Variants in EYS observed in about 807,000 individuals in gnomAD.
EYS encodes the protein EGF-like photoreceptor maintenance factor.
EYS carries 250 observed loss-of-function variants against 282.1 expected under a neutral mutation model. The ratio of observed to expected loss-of-function variants is 0.89; its 90% CI spans 0.80 to 0.98. The LOEUF (loss-of-function observed/expected upper bound fraction) is 0.98. Ranked by LOEUF, EYS falls within the 50% of genes least tolerant of loss-of-function variation. The pLI is 0.00. For synonymous variants in EYS, 1,355 were observed against 1,282.9 expected, an observed-to-expected ratio of 1.06 and a Z score of -1.20; for missense variants, 4,016 against 3,709.0, an observed-to-expected ratio of 1.08 and a Z score of -2.15.
intron 12 of EYS, among the ~76,000 whole-genome samples, chr6:65,156,209 A>T (rs560112430): frequency 6.6e-6 from 1 of 151,090 alleles, no homozygotes; most frequent in African/African-American, 2.4e-5. Context: ...TGCTTCAGAG[A>T]CTCCCTTGGA....
intron 19 of EYS, 132 bp from the exon 20 acceptor site, chr6:64,822,954 A>T: frequency 1.5e-6 from 1 of 670,814 alleles, no homozygotes; most frequent in Non-Finnish European, 2.5e-6. Flanking sequence ...TTTGGTAGCA[A>T]AAGAAAATAT....
chr6:65,161,984 G>T (rs1259785590), intron 12 of EYS, among the ~76,000 whole-genome samples: 1 of 151,194 alleles, frequency 6.6e-6, no homozygotes, highest in Non-Finnish European at 1.5e-5. Context: ...TGGTTAAATA[G>T]CAAAGCATTC....
intron 12 of EYS, among the ~76,000 whole-genome samples, chr6:65,266,510 G>A (rs888778036): frequency 6.6e-6 from 1 of 151,856 alleles, no homozygotes; most frequent in Admixed American, 6.6e-5. Flanking sequence ...ATGGATGAAT[G>A]AATGAAATTT....
intron 36 of EYS, among the ~76,000 whole-genome samples, chr6:63,831,649 C>T (rs1365233241): frequency 6.6e-6 from 1 of 152,128 alleles, no homozygotes; most frequent in Non-Finnish European, 1.5e-5. Flanking sequence ...CAACATTAGA[C>T]AGATCAAAGA....
intron 14 of EYS, among the ~76,000 whole-genome samples, chr6:64,991,154 A>G (rs770620080): frequency 3.6e-4 from 55 of 151,536 alleles, no homozygotes; most frequent in Non-Finnish European, 5.5e-4. Flanking sequence ...GCTGACCTCT[A>G]TCATAGTTAA....
At position 65,057,623 on chromosome 6, in the gene EYS, G is replaced by A; in HGVS notation, c.2128C>T (p.Pro710Ser). Residue 710 changes from proline to serine, a missense_variant, in exon 13 of 43, where the codon CCA becomes TCA. Pro to Ser is a moderately conservative substitution (Grantham distance 74). Transcript: ENST00000503581. ...CCTTGGTGTTCATTACCTTTAAATG[G>A]AGGCACACACTGGCAGAAGTAATTA... Reference protein sequence around the residue: ...PGNYFCQCVPPFKVVDGFSCL... With the variant: ...PGNYFCQCVPSFKVVDGFSCL... 1 of 1,545,232 alleles carries A rather than the reference G, an allele frequency of 6.5e-7. No homozygotes were observed. Among genetic ancestry groups the A allele is most frequent in the Non-Finnish European group, 8.8e-7 (1 of 1,141,386 alleles).
intron 14 of EYS, among the ~76,000 whole-genome samples, chr6:64,977,380 T>A (rs1770504149): frequency 6.6e-6 from 1 of 151,934 alleles, no homozygotes; most frequent in South Asian, 2.1e-4. Flanking sequence ...GATGGCAAAC[T>A]TAAATAATAA....
chr6:64,957,208 C>A (rs555871226), intron 14 of EYS, among the ~76,000 whole-genome samples: 6 of 152,110 alleles, frequency 3.9e-5, no homozygotes, highest in Non-Finnish European at 2.9e-5. Context: ...TAAAAAAATG[C>A]AGTACACATG....
chr6:65,000,268 A>G (rs1771420006), intron 13 of EYS, among the ~76,000 whole-genome samples: 1 of 152,192 alleles, frequency 6.6e-6, no homozygotes, highest in African/African-American at 2.4e-5. Context: ...GACCTTTCCC[A>G]TTTCAACTGC....
chr6:65,204,891 T>C (rs1765990095), intron 12 of EYS, among the ~76,000 whole-genome samples: 1 of 100,916 alleles, frequency 9.9e-6, no homozygotes, highest in South Asian at 2.7e-4. Context: ...CGTATTTATA[T>C]ATTCTGGAAG....
chr6:65,523,526 G>A (rs1287499560), intron 2 of EYS, among the ~76,000 whole-genome samples: 2 of 152,110 alleles, frequency 1.3e-5, no homozygotes, highest in African/African-American at 4.8e-5. Flanking sequence ...AGAATGAGGA[G>A]GTGGGAAAAT....
intron 12 of EYS, among the ~76,000 whole-genome samples, chr6:65,169,163 T>A (rs1185513702): frequency 6.6e-6 from 1 of 151,472 alleles, no homozygotes; most frequent in Non-Finnish European, 1.5e-5. Context: ...TTATTTTCCA[T>A]AATGAATCTG....
intron 12 of EYS, among the ~76,000 whole-genome samples, chr6:65,115,964 CTA>C (rs1561973869): frequency 1.2e-3 from 116 of 100,640 alleles, no homozygotes; most frequent in African/African-American, 5.7e-3. Flanking sequence ...GTCTGTCTAT[CTA>C]ATCTATCTAT....
At chr6:63,799,935 T>C (rs1226290793) in intron 37 of EYS, among the ~76,000 whole-genome samples, 1 of 152,204 alleles carries the variant, frequency 6.6e-6, no homozygotes, top group African/African-American at 2.4e-5. Flanking sequence ...ACGAGAGCGA[T>C]GGATCTCAGG....
At chr6:65,665,236 G>A (rs1312732921) in intron 1 of EYS, among the ~76,000 whole-genome samples, 2 of 152,144 alleles carry the variant, frequency 1.3e-5, no homozygotes, top group African/African-American at 2.4e-5. Context: ...TATGAGAACT[G>A]AAGGACAGAA....
At chr6:65,398,363 T>A (rs1766367060) in intron 7 of EYS, among the ~76,000 whole-genome samples, 1 of 151,784 alleles carries the variant, frequency 6.6e-6, no homozygotes, top group Non-Finnish European at 1.5e-5. Flanking sequence ...AACAAAAATA[T>A]ACATTGGGGA....
intron 30 of EYS, among the ~76,000 whole-genome samples, chr6:64,250,135 T>A (rs1767159722): frequency 6.6e-6 from 1 of 152,216 alleles, no homozygotes; most frequent in Non-Finnish European, 1.5e-5. Flanking sequence ...TTATAGAAAT[T>A]CCTAATATTA....
chr6:65,585,323 A>G (rs1465555703), intron 2 of EYS, among the ~76,000 whole-genome samples: 1 of 151,970 alleles, frequency 6.6e-6, no homozygotes, highest in African/African-American at 2.4e-5. Flanking sequence ...ACAATTATTT[A>G]TTTAAATGAA....
Position 63,944,270 on chromosome 6 carries a change from A to G in EYS, c.7055+40113T>C, listed in dbSNP as rs564843825. On this transcript the variant is annotated intron_variant, in intron 35 of 42. Transcript: ENST00000503581. ...CAGTGCATCTAGCTCTTAGCCACAT[A>G]TGGCAAAAATGAGCTTTTTATGTGT... Among the ~76,000 whole-genome samples, 20 of 152,328 alleles carry G rather than the reference A, an allele frequency of 1.3e-4. 1 individual carries two copies. The South Asian group carries it at 4.1e-3, about 32-fold the overall frequency.
Sources: allele counts gnomAD v4.1 joint callset (sites outside exome capture counted in the v4.1 genomes callset), GRCh38; gene constraint gnomAD v4.1.1; transcripts MANE v1.5; gene names NCBI Gene and HGNC (gene_info 2026-07-23, HGNC 2026-07-21).